The following MKRN2 variants were observed in gnomAD, a reference collection of about 807,000 sequenced individuals.
The protein encoded by MKRN2 is E3 ubiquitin-protein ligase makorin-2.
A neutral mutation model predicts 45.4 loss-of-function variants in MKRN2; 32 were observed. The observed-to-expected ratio is 0.70, with a 90% CI of 0.53 to 0.95. The LOEUF (loss-of-function observed/expected upper bound fraction) is 0.95. MKRN2 is among the 40% of genes least tolerant of loss of function. The probability of loss-of-function intolerance (pLI) is 0.00; values close to 1 mark genes in which losing one functional copy is unlikely to be tolerated. For synonymous variants in MKRN2, 206 were observed against 192.4 expected, an observed-to-expected ratio of 1.07 and a Z score of -0.59; for missense variants, 526 against 536.7, an observed-to-expected ratio of 0.98 and a Z score of 0.20.
chr3:12,572,539 A>G (rs1240146587), intron 4 of MKRN2, among the ~76,000 whole-genome samples, 166 bp downstream of exon 4: 7 of 152,032 alleles, frequency 4.6e-5, no homozygotes, highest in South Asian at 4.2e-4. Flanking sequence ...CATATTATGT[A>G]TCTGGTATAT....
chr3:12,567,848 A>G (rs1395431147), intron 1 of MKRN2, among the ~76,000 whole-genome samples: 4 of 151,876 alleles, frequency 2.6e-5, no homozygotes, highest in Non-Finnish European at 2.9e-5. Flanking sequence ...TTGAGTATTC[A>G]CTCAGGTCTC....
intron 1 of MKRN2, among the ~76,000 whole-genome samples, chr3:12,559,171 A>G (rs1324050580): frequency 6.6e-6 from 1 of 152,238 alleles, no homozygotes; most frequent in African/African-American, 2.4e-5. Flanking sequence ...AGGGCTCCCG[A>G]TGACTGCCTT....
At chr3:12,563,049 C>T (rs2058049030) in intron 1 of MKRN2, among the ~76,000 whole-genome samples, 1 of 152,164 alleles carries the variant, frequency 6.6e-6, no homozygotes, top group Non-Finnish European at 1.5e-5. Context: ...AGATTGGGGA[C>T]TGCTGATCTA....
intron 1 of MKRN2, among the ~76,000 whole-genome samples, chr3:12,562,358 C>T (rs757140461): frequency 2.0e-5 from 3 of 152,134 alleles, no homozygotes; most frequent in Non-Finnish European, 4.4e-5. Flanking sequence ...AAGGGGCAGC[C>T]TTGGAAGCAG....
chr3:12,573,719 C>T (rs13093149), intron 4 of MKRN2, among the ~76,000 whole-genome samples: 19,774 of 151,738 alleles, frequency 0.13, 1,455 homozygotes, highest in Admixed American at 0.21. Context: ...TGGTGAAACC[C>T]CGTCTCTACT....
At chr3:12,577,698 G>A (rs530049180) in intron 6 of MKRN2, among the ~76,000 whole-genome samples, 11 of 151,086 alleles carry the variant, frequency 7.3e-5, no homozygotes, top group Non-Finnish European at 1.0e-4. Flanking sequence ...TTTTTGAGAC[G>A]GAGTTTCACT....
At chr3:12,564,032 C>T (rs1234777945) in intron 1 of MKRN2, among the ~76,000 whole-genome samples, 2 of 151,540 alleles carry the variant, frequency 1.3e-5, no homozygotes, top group Admixed American at 1.3e-4. Flanking sequence ...TGCAACCTCT[C>T]CCTCCCAGGT....
chr3:12,582,366 T>A lies in MKRN2; in HGVS notation c.*113T>A. The stretch of plus-strand genomic sequence containing the variant: ...AGGTGACGTGTGACTTGGATTTGAG[T>A]GGAGTTGGGCTTAGCCTTAGTCTCA... On this transcript the variant is annotated 3_prime_UTR_variant, in exon 8 of 8. Transcript: ENST00000170447. The A allele has an allele frequency of 2.2e-6, 3 of 1,390,588 alleles. No homozygotes were observed. Among genetic ancestry groups the A allele is most frequent in the Non-Finnish European group, 3.0e-6 (3 of 1,000,824 alleles). The allele number at this position is 1,390,588 out of a possible 1,614,324, so 86.1% of individuals were successfully genotyped here. A position where few individuals can be genotyped will look rare whatever the true frequency, so the allele number is the denominator to read the frequency against.
intron 1 of MKRN2, among the ~76,000 whole-genome samples, chr3:12,563,997 G>T (rs2058055619): frequency 6.6e-6 from 1 of 151,698 alleles, no homozygotes; most frequent in South Asian, 2.1e-4. Flanking sequence ...CCAGGCTGGA[G>T]TGCAGTGGCG....
chr3:12,581,771 C>T, intron 6 of MKRN2, 37 bp from the exon 7 acceptor site: 1 of 1,609,888 alleles, frequency 6.2e-7, no homozygotes, highest in Non-Finnish European at 8.5e-7. Flanking sequence ...CCCTCATTTT[C>T]CCACCAGCCT....
intron 6 of MKRN2, among the ~76,000 whole-genome samples, chr3:12,578,401 AC>A (rs2058156369): frequency 7.8e-6 from 1 of 128,100 alleles, no homozygotes; most frequent in Admixed American, 1.1e-4. Flanking sequence ...GCTCACTGCC[AC>A]CTCCGCCTTC....
rs550723509 is a variant in MKRN2, at chr3:12,581,921, G to A, written c.1082G>A (p.Arg361Gln). 32 of 1,614,134 alleles carry A rather than the reference G, an allele frequency of 2.0e-5. No individual in the cohort carries two copies. Among genetic ancestry groups the A allele is most frequent in the East Asian group, 1.3e-4 (6 of 44,880 alleles). ...DGRLAEPEKP[R>Q]KQLSSQGTVR... ...CGGCTAGCAGAGCCTGAGAAACCTCGGAAACAGCTCAGTTCTCAAGGCACT... is the reference window on the plus strand; with the variant it reads ...CGGCTAGCAGAGCCTGAGAAACCTCAGAAACAGCTCAGTTCTCAAGGCACT... The change falls in exon 7 of 8, where the codon CGG becomes CAG. Residue 361 changes from arginine to glutamine, a missense_variant. By Grantham distance (43) the Arg-to-Gln change is conservative. Coordinates refer to ENST00000170447, the MANE Select transcript of MKRN2 (RefSeq NM_014160.5).
In MKRN2 at chr3:12,582,251, T is replaced by TAA. The variant is rs777726922; in HGVS notation, c.1251_*1dup. 1 of 1,613,904 alleles carries TAA rather than the reference T, an allele frequency of 6.2e-7. No individual in the cohort carries two copies. The highest frequency in any genetic ancestry group is 8.5e-7 in the Non-Finnish European group (1 of 1,179,980). ...HLSGVESSEP[*] ...TTCTGGAGTGGAATCATCAGAACCC[T>TAA]AAAGAGTAGATGGTTGCCCTGCATC... Residue 417 remains the stop codon, a frameshift_variant and stop_retained_variant, in exon 8 of 8, where the codon TAA becomes TAAAA. Coordinates refer to ENST00000170447, the MANE Select transcript of MKRN2 (RefSeq NM_014160.5). LOFTEE classifies it high-confidence loss of function.
intron 4 of MKRN2, 34 bp from the exon 5 acceptor site, chr3:12,574,758 A>G: frequency 6.3e-7 from 1 of 1,591,016 alleles, no homozygotes; most frequent in Non-Finnish European, 8.6e-7. Context: ...TCAGTGGCCC[A>G]CAACCAAAGC....
rs755325097 is a variant in MKRN2, at chr3:12,574,881, G to A, written c.732G>A (p.Val244=). The change falls in exon 5 of 8, where the codon GTG becomes GTA. Residue 244 remains valine (V), a synonymous_variant. Coordinates refer to ENST00000170447, the MANE Select transcript of MKRN2 (RefSeq NM_014160.5). ...QDKVCSICME[V]ILEKASASER... ...AAGTGTGCAGTATCTGCATGGAAGT[G>A]ATCCTGGAGAAGGCCTCTGCTTCTG... 1 of 1,614,212 alleles carries A rather than the reference G, an allele frequency of 6.2e-7. No individual in the cohort carries two copies. The highest frequency in any genetic ancestry group is 1.7e-5 in the Admixed American group (1 of 60,034).
At chr3:12,563,483 CTTTTTTTT>C (rs769910086) in intron 1 of MKRN2, among the ~76,000 whole-genome samples, 34 of 101,394 alleles carry the variant, frequency 3.4e-4, no homozygotes, top group African/African-American at 1.2e-3. Flanking sequence ...TTGTCTAGTT[CTTTTTTTT>C]TTTTTTTTTT....
intron 1 of MKRN2, among the ~76,000 whole-genome samples, chr3:12,559,536 T>C (rs2058018513): frequency 6.6e-6 from 1 of 152,216 alleles, no homozygotes; most frequent in African/African-American, 2.4e-5. Context: ...AGCAGAATAA[T>C]GTCAGTTTTG....
intron 6 of MKRN2, 81 bp from the exon 7 acceptor site, chr3:12,581,727 T>TA: frequency 6.7e-7 from 1 of 1,501,270 alleles, no homozygotes; most frequent in Non-Finnish European, 9.1e-7. Context: ...GTAAGGGTGG[T>TA]AAGGATGGAG....
At position 12,581,968 on chromosome 3, in the gene MKRN2, A is replaced by G. The variant is rs776933593; in HGVS notation, c.1113+16A>G. The G allele has an allele frequency of 2.5e-6, 4 of 1,613,090 alleles. No homozygotes were observed. Among genetic ancestry groups the G allele is most frequent in the Non-Finnish European group, 3.4e-6 (4 of 1,179,224 alleles). The stretch of plus-strand genomic sequence containing the variant: ...CACTGTGAGGGTAAGGACTTTAGCC[A>G]TCTCTAGTTGGGGACACTTAGCAGC... On this transcript the variant is annotated intron_variant, in intron 7 of 7. Coordinates refer to ENST00000170447, the MANE Select transcript of MKRN2 (RefSeq NM_014160.5).
Sources: allele counts gnomAD v4.1 joint callset (sites outside exome capture counted in the v4.1 genomes callset), GRCh38; gene constraint gnomAD v4.1.1; transcripts MANE v1.5; gene names NCBI Gene and HGNC (gene_info 2026-07-23, HGNC 2026-07-21).